Variants in UBAC2 observed in about 807,000 individuals in gnomAD.
The protein encoded by UBAC2 is UBA domain containing 2, also known as ubiquitin-associated domain-containing protein 2.
Under a neutral mutation model 44.0 loss-of-function variants are expected in UBAC2, and 26 were observed. The ratio of observed to expected loss-of-function variants is 0.59; its 90% CI spans 0.43 to 0.82. UBAC2 has a LOEUF of 0.82. UBAC2 is among the 40% of genes least tolerant of loss of function. The probability of loss-of-function intolerance (pLI) is 0.00; values close to 1 mark genes in which losing one functional copy is unlikely to be tolerated. For missense variants in UBAC2, 329 were observed against 419.4 expected (o/e 0.78, Z 1.88); for synonymous variants, 155 against 154.3 (o/e 1.00, Z -0.04).
chr13:99,273,450 T>C (rs1204804251), intron 4 of UBAC2, among the ~76,000 whole-genome samples: 1 of 152,162 alleles, frequency 6.6e-6, no homozygotes, highest in Non-Finnish European at 1.5e-5. Flanking sequence ...ATTTTTAAAC[T>C]CTCAGAAATT....
At chr13:99,306,423 G>A (rs1566495152) in intron 4 of UBAC2, among the ~76,000 whole-genome samples, 1 of 152,024 alleles carries the variant, frequency 6.6e-6, no homozygotes, top group Non-Finnish European at 1.5e-5. Flanking sequence ...CACACAGCTT[G>A]TAAATTTCAT....
intron 1 of UBAC2, among the ~76,000 whole-genome samples, chr13:99,211,684 G>A (rs1263734543): frequency 6.6e-6 from 1 of 152,198 alleles, no homozygotes; most frequent in African/African-American, 2.4e-5. Context: ...AGCAGGTCTA[G>A]GATTTGAACC....
At chr13:99,219,495 T>C (rs925910236) in intron 1 of UBAC2, among the ~76,000 whole-genome samples, 1 of 152,222 alleles carries the variant, frequency 6.6e-6, no homozygotes, top group African/African-American at 2.4e-5. Flanking sequence ...TTGTCCACCC[T>C]GCAGCCCATG....
intron 4 of UBAC2, among the ~76,000 whole-genome samples, chr13:99,264,841 A>G (rs998966947): frequency 2.0e-5 from 3 of 152,096 alleles, no homozygotes; most frequent in Non-Finnish European, 4.4e-5. Flanking sequence ...TCCAGGATGC[A>G]TTTCCTAAGT....
In UBAC2 at chr13:99,294,815, C is replaced by T. The variant is rs1332321218; in HGVS notation, c.390-19282C>T. On this transcript the variant is annotated intron_variant, in intron 4 of 8. Coordinates refer to ENST00000403766, the MANE Select transcript of UBAC2 (RefSeq NM_001144072.2). ...TTACATTGGGAGTTATTAAGAGCGC[C>T]TCCTTTTGGTGTATTCGTTTACAAA... The T allele has an allele frequency of 2.7e-5, 9 of 337,624 alleles. No individual in the cohort carries two copies. The South Asian group carries it at 4.8e-4, about 18-fold the overall frequency. 20.9% of individuals were successfully genotyped at this position (337,624 alleles called of 1,614,324 possible). A position where few individuals can be genotyped will look rare whatever the true frequency, so the allele number is the denominator to read the frequency against.
At chr13:99,334,931 A>G (rs1480400739) in intron 6 of UBAC2, among the ~76,000 whole-genome samples, 2 of 152,240 alleles carry the variant, frequency 1.3e-5, no homozygotes, top group African/African-American at 4.8e-5. Flanking sequence ...TAAAAGGATG[A>G]AGATATATTA....
intron 6 of UBAC2, among the ~76,000 whole-genome samples, chr13:99,332,864 A>C (rs1348672305): frequency 6.6e-6 from 1 of 152,150 alleles, no homozygotes; most frequent in Non-Finnish European, 1.5e-5. Flanking sequence ...CTGACACACA[A>C]ATCCAACATA....
At chr13:99,324,045 C>T (rs1343483601) in intron 6 of UBAC2, among the ~76,000 whole-genome samples, 1 of 152,200 alleles carries the variant, frequency 6.6e-6, no homozygotes, top group Non-Finnish European at 1.5e-5. Flanking sequence ...CCTGTCACTT[C>T]TGTGAACCAT....
At chr13:99,267,668 T>C (rs1003661533) in intron 4 of UBAC2, among the ~76,000 whole-genome samples, 3 of 152,252 alleles carry the variant, frequency 2.0e-5, no homozygotes, top group African/African-American at 7.2e-5. Flanking sequence ...GCCTTTATTA[T>C]TATAGTCATT....
chr13:99,209,209 C>A (rs1354830002), intron 1 of UBAC2, among the ~76,000 whole-genome samples: 2 of 152,198 alleles, frequency 1.3e-5, no homozygotes, highest in African/African-American at 4.8e-5. Context: ...CGAGCCCCTA[C>A]CTCAGCTTGG....
At position 99,338,047 on chromosome 13, in the gene UBAC2, C is replaced by CTTTTTTTT. The variant is rs869112086; in HGVS notation, c.562-2252_562-2245dup. 7.6e-3 allele frequency among the ~76,000 whole-genome samples: 373 copies of CTTTTTTTT among 48,850 alleles called. 3 individuals are homozygous for CTTTTTTTT. Among genetic ancestry groups the CTTTTTTTT allele is most frequent in the African/African-American group, 0.018 (258 of 14,112 alleles). 32.0% of individuals were successfully genotyped at this position (48,850 alleles called of 152,430 possible). A position where few individuals can be genotyped will look rare whatever the true frequency, so the allele number is the denominator to read the frequency against. On this transcript the variant is annotated intron_variant, in intron 6 of 8. Transcript: ENST00000403766. Reference sequence around the variant, plus strand: ...ATCTCCTAACTTTTTTTCTTTTTTTCTTTTTTTTTTTTTTTTTTTTTTTTT... The same window carrying CTTTTTTTT: ...ATCTCCTAACTTTTTTTCTTTTTTTCTTTTTTTTTTTTTTTTTTTTTTTTTTTTTTTTT...
chr13:99,261,881 TCC>T (rs1003983772), intron 4 of UBAC2: 3 of 152,226 alleles, frequency 2.0e-5, no homozygotes, highest in Non-Finnish European at 4.4e-5. Flanking sequence ...TATACAGTAG[TCC>T]CCTTATCCGC....
In UBAC2 at chr13:99,260,998, G is replaced by C. The variant is rs563164054; in HGVS notation, c.389+16374G>C. ...TAATTCAGTTAAGCCAGTTTTTAAT[G>C]AGAAAGAATGTAGTTAATAGATCTG... On this transcript the variant is annotated intron_variant, in intron 4 of 8. Coordinates refer to ENST00000403766, the MANE Select transcript of UBAC2 (RefSeq NM_001144072.2). 2.6e-5 allele frequency among the ~76,000 whole-genome samples: 4 copies of C among 152,312 alleles called. No homozygotes were observed. In the South Asian group the frequency reaches 6.2e-4, roughly 24 times the overall value.
At chr13:99,349,661 C>T (rs961260247) in intron 7 of UBAC2, among the ~76,000 whole-genome samples, 41 of 152,272 alleles carry the variant, frequency 2.7e-4, no homozygotes, top group African/African-American at 9.1e-4. Context: ...CATACGTCAG[C>T]GTTTTCTTCT....
chr13:99,215,666 G>C (rs2042984330), intron 1 of UBAC2: 1 of 1,451,440 alleles, frequency 6.9e-7, no homozygotes, highest in Non-Finnish European at 9.4e-7. Context: ...GATGAATACA[G>C]CCCTCTGGGA....
Position 99,232,380 on chromosome 13 carries a change from TG to T in UBAC2, c.32-6046del, listed in dbSNP as rs2043182152. 8.5e-5 allele frequency among the ~76,000 whole-genome samples: 8 copies of T among 94,240 alleles called. 1 individual carries two copies. In the South Asian group the frequency reaches 2.5e-3, roughly 29 times the overall value. The allele number at this position is 94,240 out of a possible 152,430, so 61.8% of individuals were successfully genotyped here. ...CAAGTAGCTTTTGAACACAAGACCCTGTCCATCCTTAGTTGAGAGATATAGA... is the reference window on the plus strand; with the variant it reads ...CAAGTAGCTTTTGAACACAAGACCCTTCCATCCTTAGTTGAGAGATATAGA... On this transcript the variant is annotated intron_variant, in intron 1 of 8. Transcript: ENST00000403766.
chr13:99,216,122 GAC>G (rs1594007369), intron 1 of UBAC2, among the ~76,000 whole-genome samples: 2 of 149,704 alleles, frequency 1.3e-5, no homozygotes. Context: ...GTATTTTTGA[GAC>G]ACAGTCTCAC....
At chr13:99,237,988 T>G (rs896146720) in intron 1 of UBAC2, among the ~76,000 whole-genome samples, 1 of 152,242 alleles carries the variant, frequency 6.6e-6, no homozygotes, top group Non-Finnish European at 1.5e-5. Flanking sequence ...GATTATCATA[T>G]GTACTCCCAA....
chr13:99,367,901 G>C lies in UBAC2; in HGVS notation c.922G>C (p.Glu308Gln). 2 of 1,613,594 alleles carry C rather than the reference G, an allele frequency of 1.2e-6. No individual in the cohort carries two copies. The highest frequency in any genetic ancestry group is 1.7e-6 in the Non-Finnish European group (2 of 1,179,748). The change falls in exon 8 of 9, where the codon GAA becomes CAA. Residue 308 changes from glutamate to glutamine, a missense_variant. Coordinates refer to ENST00000403766, the MANE Select transcript of UBAC2 (RefSeq NM_001144072.2). ...PAAPPLEVSE[E>Q]QVARLMEMGF... ...AGCGCCCCCTCTAGAAGTTTCTGAG[G>C]AACAGGTAATTAATCAGTAATACCT...
Sources: gnomAD v4.1 joint callset for allele counts (sites outside exome capture counted in the v4.1 genomes callset) on GRCh38, gnomAD v4.1.1 for gene constraint, MANE v1.5 for transcripts, NCBI Gene and HGNC (gene_info 2026-07-23, HGNC 2026-07-21) for gene names.